SEMA3D: variants seen among roughly 807,000 people sequenced by gnomAD.
SEMA3D encodes the protein semaphorin 3D, also known as semaphorin-3D.
SEMA3D carries 84 observed loss-of-function variants against 100.1 expected under a neutral mutation model. The observed-to-expected ratio is 0.84, with a 90% CI of 0.70 to 1.01. The LOEUF (loss-of-function observed/expected upper bound fraction) is 1.01, where lower values mean the gene tolerates loss of function less well. Ranked by LOEUF, SEMA3D falls within the 50% of genes least tolerant of loss-of-function variation. SEMA3D has a pLI of 0.00. For synonymous variants in SEMA3D, 312 were observed against 320.7 expected (o/e 0.97, Z 0.29); for missense variants, 875 against 934.1 (o/e 0.94, Z 0.82).
chr7:85,053,113 T>C (rs1303985067), intron 9 of SEMA3D, among the ~76,000 whole-genome samples: 1 of 151,936 alleles, frequency 6.6e-6, no homozygotes, highest in Non-Finnish European at 1.5e-5. Context: ...TGAGAACAAA[T>C]GAACTATAAC....
intron 12 of SEMA3D, chr7:85,027,739 T>C: frequency 3.0e-6 from 1 of 335,568 alleles, no homozygotes; most frequent in Non-Finnish European, 5.7e-6. Context: ...AAAAGGAATA[T>C]TAAACAAGGG....
At chr7:85,185,735 G>A (rs1562848995) in intron 1 of SEMA3D, among the ~76,000 whole-genome samples, 1 of 152,200 alleles carries the variant, frequency 6.6e-6, no homozygotes, top group African/African-American at 2.4e-5. Flanking sequence ...CAGCCCAGGA[G>A]GTTGAACTCG....
chr7:85,001,717 G>A (rs1485063897), intron 18 of SEMA3D, among the ~76,000 whole-genome samples: 2 of 152,078 alleles, frequency 1.3e-5, no homozygotes, highest in East Asian at 3.9e-4. Flanking sequence ...GTGTTTGGGG[G>A]ATTAAAAGCA....
the SEMA3D span, among the ~76,000 whole-genome samples, chr7:85,203,690 T>C: frequency 1.3e-5 from 2 of 152,088 alleles, no homozygotes; most frequent in African/African-American, 4.8e-5. Context: ...TGAGGATCTA[T>C]CAAAGTGAAC....
At chr7:85,115,845 A>G (rs1789224181) in intron 3 of SEMA3D, among the ~76,000 whole-genome samples, 1 of 152,148 alleles carries the variant, frequency 6.6e-6, no homozygotes, top group East Asian at 1.9e-4. Flanking sequence ...GGCCTGTTCT[A>G]GAACTTCAAA....
intron 3 of SEMA3D, among the ~76,000 whole-genome samples, chr7:85,100,216 T>C (rs1788704305): frequency 6.6e-6 from 1 of 151,950 alleles, no homozygotes; most frequent in Non-Finnish European, 1.5e-5. Context: ...AATGAAGCTC[T>C]TTAATCCTTT....
chr7:85,152,534 G>A (rs1349762181), intron 2 of SEMA3D, among the ~76,000 whole-genome samples: 1 of 152,008 alleles, frequency 6.6e-6, no homozygotes, highest in Non-Finnish European at 1.5e-5. Flanking sequence ...AGAAAAATGA[G>A]AGCTATTAAT....
intron 6 of SEMA3D, among the ~76,000 whole-genome samples, chr7:85,071,701 G>A (rs1172341754): frequency 6.6e-6 from 1 of 152,204 alleles, no homozygotes; most frequent in East Asian, 1.9e-4. Flanking sequence ...GCTTGTTACC[G>A]TTGAATACTA....
chr7:85,194,501 CAGA>C, the SEMA3D span, among the ~76,000 whole-genome samples: 4 of 78,640 alleles, frequency 5.1e-5, no homozygotes, highest in African/African-American at 2.3e-4. Context: ...GATATGCAAA[CAGA>C]AAAAAAAATA....
intron 3 of SEMA3D, among the ~76,000 whole-genome samples, chr7:85,100,276 T>C (rs1788705909): frequency 6.6e-6 from 1 of 151,830 alleles, no homozygotes; most frequent in African/African-American, 2.4e-5. Flanking sequence ...AGCAGCAAAG[T>C]TGATAATTGA....
At chr7:85,189,394 A>C (rs1237696463), upstream of SEMA3D, among the ~76,000 whole-genome samples, 1 of 152,208 alleles carries the variant, frequency 6.6e-6, no homozygotes, top group Admixed American at 6.5e-5. Context: ...TTTGAGATCT[A>C]CTTTCATCAA....
At chr7:85,166,009 G>A (rs568473226) in intron 1 of SEMA3D, among the ~76,000 whole-genome samples, 40 of 151,982 alleles carry the variant, frequency 2.6e-4, no homozygotes, top group African/African-American at 7.5e-4. Flanking sequence ...TATATAATGC[G>A]CTTCATCAAT....
At chr7:85,172,777 G>A (rs1330904564) in intron 1 of SEMA3D, among the ~76,000 whole-genome samples, 1 of 152,036 alleles carries the variant, frequency 6.6e-6, no homozygotes, top group Admixed American at 6.6e-5. Context: ...CTGGTGTGTG[G>A]TCTACAAACG....
At chr7:85,079,423 C>A (rs1467440877) in intron 5 of SEMA3D, among the ~76,000 whole-genome samples, 7 of 152,112 alleles carry the variant, frequency 4.6e-5, no homozygotes, top group African/African-American at 1.7e-4. Flanking sequence ...ATATTTAATC[C>A]TGGGTTAGCA....
chr7:85,214,038 C>A, the SEMA3D span, among the ~76,000 whole-genome samples: 1 of 152,192 alleles, frequency 6.6e-6, no homozygotes, highest in East Asian at 1.9e-4. Context: ...AACCCATAAA[C>A]GTGCACAATC....
the SEMA3D span, among the ~76,000 whole-genome samples, chr7:85,202,942 C>T: frequency 1.3e-5 from 2 of 152,052 alleles, no homozygotes; most frequent in African/African-American, 4.8e-5. Context: ...GATATTCTTG[C>T]ATAGGTAAGA....
intron 2 of SEMA3D, chr7:85,141,856 G>T: frequency 1.1e-6 from 1 of 889,130 alleles, no homozygotes; most frequent in Non-Finnish European, 1.3e-6. Context: ...CAAGGGCCCA[G>T]TTTATAAAGC....
chr7:85,117,786 A>C (rs1789286170), intron 3 of SEMA3D, among the ~76,000 whole-genome samples: 1 of 148,296 alleles, frequency 6.7e-6, no homozygotes, highest in Non-Finnish European at 1.5e-5. Context: ...GTATGTATGT[A>C]TGTATGTATG....
At chr7:85,128,162 A>ATTATT (rs1166145899) in intron 2 of SEMA3D, among the ~76,000 whole-genome samples, 20 of 151,156 alleles carry the variant, frequency 1.3e-4, no homozygotes, top group African/African-American at 3.4e-4. Context: ...ATTTTATTTT[A>ATTATT]TTATTTTATT....
Sources: allele counts gnomAD v4.1 joint callset (sites outside exome capture counted in the v4.1 genomes callset), GRCh38; gene constraint gnomAD v4.1.1; transcripts MANE v1.5; gene names NCBI Gene and HGNC (gene_info 2026-07-23, HGNC 2026-07-21).